Variants in GPC5 observed in about 807,000 individuals in gnomAD.
GPC5 encodes the protein glypican-5.
Under a neutral mutation model 53.9 loss-of-function variants are expected in GPC5, and 47 were observed. The ratio of observed to expected loss-of-function variants is 0.87; its 90% confidence interval spans 0.69 to 1.11. GPC5 has a LOEUF of 1.11. GPC5 is among the 50% of genes most tolerant of loss of function. GPC5 has a pLI of 0.00. For missense variants in GPC5, 748 were observed against 713.1 expected (o/e 1.05, Z -0.56); for synonymous variants, 286 against 263.3 (o/e 1.09, Z -0.84).
chr13:91,551,619 A>C (rs1274313573), intron 2 of GPC5, among the ~76,000 whole-genome samples: 1 of 152,142 alleles, frequency 6.6e-6, no homozygotes, highest in African/African-American at 2.4e-5. Context: ...TGTATTGTAC[A>C]ATGGGGATAG....
At chr13:92,239,764 A>G (rs1016265330) in intron 7 of GPC5, 3 of 45,214 alleles carry the variant, frequency 6.6e-5, no homozygotes, top group South Asian at 9.4e-4. Context: ...TTATATTTCA[A>G]TGATATTCTA....
intron 7 of GPC5, among the ~76,000 whole-genome samples, chr13:92,249,491 G>T (rs771963116): frequency 3.3e-5 from 5 of 152,002 alleles, no homozygotes; most frequent in Admixed American, 6.6e-5. Context: ...TACCCTGCTT[G>T]GTCCAGATAA....
chr13:91,631,406 C>T (rs9805414), intron 2 of GPC5, among the ~76,000 whole-genome samples: 35 of 152,100 alleles, frequency 2.3e-4, no homozygotes, highest in African/African-American at 8.4e-4. Context: ...CATTTGGAAG[C>T]CAGAGCATGT....
intron 5 of GPC5, among the ~76,000 whole-genome samples, chr13:91,768,756 T>C (rs2037569495): frequency 6.6e-6 from 1 of 150,872 alleles, no homozygotes; most frequent in Non-Finnish European, 1.5e-5. Context: ...ACAAGCAATG[T>C]ATATTTAAAT....
chr13:91,512,441 G>A (rs2139336441), intron 2 of GPC5, among the ~76,000 whole-genome samples: 1 of 152,318 alleles, frequency 6.6e-6, no homozygotes, highest in African/African-American at 2.4e-5. Context: ...AGCATTTGTA[G>A]AGCAGCTCCT....
intron 1 of GPC5, among the ~76,000 whole-genome samples, chr13:91,419,420 A>G (rs1878453740): frequency 6.6e-6 from 1 of 152,168 alleles, no homozygotes; most frequent in Non-Finnish European, 1.5e-5. Flanking sequence ...ACGCCTCAAC[A>G]CTTTCTGCTA....
At chr13:91,834,837 C>A (rs997304372) in intron 5 of GPC5, among the ~76,000 whole-genome samples, 5 of 152,074 alleles carry the variant, frequency 3.3e-5, no homozygotes, top group African/African-American at 2.4e-5. Flanking sequence ...TAGGTATGGG[C>A]AAGGACTTCA....
intron 7 of GPC5, among the ~76,000 whole-genome samples, chr13:92,369,603 T>C (rs1210218474): frequency 6.6e-6 from 1 of 152,228 alleles, no homozygotes; most frequent in Admixed American, 6.5e-5. Context: ...TACAAGCTAT[T>C]GTAGGAAAAC....
At chr13:91,699,632 T>A (rs558432934) in intron 3 of GPC5, among the ~76,000 whole-genome samples, 8 of 152,276 alleles carry the variant, frequency 5.3e-5, no homozygotes, top group African/African-American at 1.9e-4. Flanking sequence ...TTTGTAACAA[T>A]TGAGAGCGGA....
At chr13:91,832,148 T>C (rs1480646553) in intron 5 of GPC5, among the ~76,000 whole-genome samples, 1 of 152,034 alleles carries the variant, frequency 6.6e-6, no homozygotes, top group East Asian at 1.9e-4. Context: ...TGCTCCTGTA[T>C]TGGGTGCATA....
At chr13:92,368,512 C>T (rs889299437) in intron 7 of GPC5, among the ~76,000 whole-genome samples, 1 of 150,946 alleles carries the variant, frequency 6.6e-6, no homozygotes, top group African/African-American at 2.4e-5. Flanking sequence ...GGCATTGTGG[C>T]AGGCACCTGT....
At chr13:91,399,302 C>T (rs1876739267) in intron 1 of GPC5, 93 bp downstream of exon 1, 2 of 1,409,626 alleles carry the variant, frequency 1.4e-6, no homozygotes, top group Admixed American at 2.3e-5. Context: ...GGGAAGATGA[C>T]CTTTCGGGCC....
chr13:91,965,732 T>C (rs917007910), intron 6 of GPC5, among the ~76,000 whole-genome samples: 2 of 152,152 alleles, frequency 1.3e-5, no homozygotes, highest in Non-Finnish European at 2.9e-5. Flanking sequence ...GTCAAAATAA[T>C]CACTTCATCG....
intron 5 of GPC5, among the ~76,000 whole-genome samples, chr13:91,762,747 C>T (rs1404514536): frequency 6.6e-6 from 1 of 152,084 alleles, no homozygotes; most frequent in Non-Finnish European, 1.5e-5. Context: ...ACTTCTTCCT[C>T]ACTTCAGCAA....
intron 5 of GPC5, among the ~76,000 whole-genome samples, chr13:91,832,108 G>A (rs2138856665): frequency 6.6e-6 from 1 of 151,902 alleles, no homozygotes; most frequent in South Asian, 2.1e-4. Flanking sequence ...CTCTTTGTAG[G>A]TCTCTAAGAA....
At chr13:92,511,921 G>T (rs1880580685) in intron 7 of GPC5, among the ~76,000 whole-genome samples, 1 of 152,086 alleles carries the variant, frequency 6.6e-6, no homozygotes, top group East Asian at 1.9e-4. Context: ...AGTGCAGGCT[G>T]GAGAAGTGGG....
At chr13:92,123,244 T>A (rs1194110801) in intron 6 of GPC5, among the ~76,000 whole-genome samples, 4 of 144,760 alleles carry the variant, frequency 2.8e-5, no homozygotes, top group East Asian at 4.0e-4. Context: ...GTCTCTACTT[T>A]AAAAAAAAAA....
At chr13:92,311,623 G>T (rs1184084550) in intron 7 of GPC5, among the ~76,000 whole-genome samples, 1 of 152,150 alleles carries the variant, frequency 6.6e-6, no homozygotes, top group Non-Finnish European at 1.5e-5. Context: ...GTCTTACATG[G>T]CAGCAGCCAA....
chr13:92,538,480 C>T (rs1286489622), intron 7 of GPC5, among the ~76,000 whole-genome samples: 2 of 143,710 alleles, frequency 1.4e-5, no homozygotes, highest in Non-Finnish European at 3.0e-5. Flanking sequence ...TTTTTAATTA[C>T]ACTTTAAGTT....
Sources: allele counts gnomAD v4.1 joint callset (sites outside exome capture counted in the v4.1 genomes callset), GRCh38; gene constraint gnomAD v4.1.1; transcripts MANE v1.5; gene names NCBI Gene and HGNC (gene_info 2026-07-23, HGNC 2026-07-21).